The following RANBP3 variants were observed in gnomAD, a reference collection of about 807,000 sequenced individuals.
RANBP3 encodes ran-binding protein 3.
RANBP3 carries 14 observed loss-of-function variants against 77.3 expected under a neutral mutation model. The ratio of observed to expected loss-of-function variants is 0.18; its 90% confidence interval spans 0.12 to 0.28. RANBP3 has a LOEUF of 0.28. Among genes scored for constraint, RANBP3 ranks in the 10% least tolerant of loss-of-function variants. The pLI is 1.00. For missense variants in RANBP3, 586 were observed against 752.3 expected, an observed-to-expected ratio of 0.78 and a Z score of 2.59; for synonymous variants, 315 against 312.4, an observed-to-expected ratio of 1.01 and a Z score of -0.09.
At chr19:5,961,451 G>A (rs549110021) in intron 1 of RANBP3, among the ~76,000 whole-genome samples, 32 of 151,304 alleles carry the variant, frequency 2.1e-4, no homozygotes, top group African/African-American at 6.6e-4. Context: ...CTGCAGTGTC[G>A]GCCGGGCACA....
At chr19:5,955,649 C>T (rs2145202118) in intron 2 of RANBP3, among the ~76,000 whole-genome samples, 1 of 152,302 alleles carries the variant, frequency 6.6e-6, no homozygotes, top group South Asian at 2.1e-4. Context: ...TTAAAGTCTT[C>T]AGATTTAAAG....
At chr19:5,975,527 C>A (rs2058580003) in intron 1 of RANBP3, among the ~76,000 whole-genome samples, 1 of 151,624 alleles carries the variant, frequency 6.6e-6, no homozygotes. Flanking sequence ...ATTCATTCAA[C>A]CAATATTTCC....
chr19:5,947,473 C>G (rs890927888), intron 3 of RANBP3, among the ~76,000 whole-genome samples: 3 of 152,196 alleles, frequency 2.0e-5, no homozygotes, highest in Non-Finnish European at 4.4e-5. Context: ...AAACTAGACT[C>G]TACTGCTGCG....
In RANBP3 at chr19:5,921,753, C is replaced by T. The variant is rs765060697; in HGVS notation, c.1210-432G>A. ...ACCCAAGAGAAATGGAACATTTGTTCGTGTTCACACACAGATCGCACATGA... is the reference window on the plus strand; with the variant it reads ...ACCCAAGAGAAATGGAACATTTGTTTGTGTTCACACACAGATCGCACATGA... On this transcript the variant is annotated intron_variant, in intron 13 of 16. Coordinates refer to ENST00000340578, the MANE Select transcript of RANBP3 (RefSeq NM_007322.3). The surrounding 1 kb of genome is among the most constrained non-coding windows in gnomAD (Gnocchi z 5.3). 6.6e-6 allele frequency among the ~76,000 whole-genome samples: 1 copy of T among 152,244 alleles called. No homozygotes were observed. The highest frequency in any genetic ancestry group is 1.5e-5 in the Non-Finnish European group (1 of 68,048).
chr19:5,973,264 T>C (rs1489077509), intron 1 of RANBP3, among the ~76,000 whole-genome samples: 1 of 152,194 alleles, frequency 6.6e-6, no homozygotes, highest in African/African-American at 2.4e-5. Context: ...GGCTAGGTTT[T>C]AAGTCAACAA....
rs1369346150 is a variant in RANBP3, at chr19:5,925,003, C to T, written c.918-98G>A. On this transcript the variant is annotated intron_variant, in intron 10 of 16. Transcript: ENST00000340578. Reference sequence around the variant, plus strand: ...GGAGCACACACTGACACAGAGGGCACAGTGGAGGGGCCTCCGCCACTGTGC... The same window carrying T: ...GGAGCACACACTGACACAGAGGGCATAGTGGAGGGGCCTCCGCCACTGTGC... The T allele has an allele frequency of 3.6e-6, 4 of 1,118,942 alleles. No homozygotes were observed. The South Asian group carries it at 3.7e-5, about 10-fold the overall frequency. 69.3% of individuals were successfully genotyped at this position (1,118,942 alleles called of 1,614,324 possible). A position where few individuals can be genotyped will look rare whatever the true frequency, so the allele number is the denominator to read the frequency against.
At chr19:5,936,070 T>G (rs913419103) in intron 5 of RANBP3, among the ~76,000 whole-genome samples, 2 of 152,216 alleles carry the variant, frequency 1.3e-5, no homozygotes, top group African/African-American at 4.8e-5. Flanking sequence ...CCAAGTGATG[T>G]CTGTGGGAAG....
At chr19:5,925,844 T>G in intron 9 of RANBP3, 107 bp from the exon 10 acceptor site, 1 of 849,246 alleles carries the variant, frequency 1.2e-6, no homozygotes, top group Non-Finnish European at 1.9e-6. Flanking sequence ...CTCGGAGCCA[T>G]GAACCCTCTC....
intron 5 of RANBP3, among the ~76,000 whole-genome samples, chr19:5,937,747 G>A (rs1324661693): frequency 7.0e-6 from 1 of 143,440 alleles, no homozygotes; most frequent in African/African-American, 2.6e-5. Context: ...ATGCCGCGTC[G>A]GGGCCTGCGA....
intron 5 of RANBP3, among the ~76,000 whole-genome samples, chr19:5,937,659 G>A (rs2058083867): frequency 6.6e-6 from 1 of 152,238 alleles, no homozygotes; most frequent in African/African-American, 2.4e-5. Flanking sequence ...AGACAAGGAT[G>A]TGAAGTTGGG....
At chr19:5,953,416 T>C (rs2058298243) in intron 2 of RANBP3, among the ~76,000 whole-genome samples, 1 of 152,164 alleles carries the variant, frequency 6.6e-6, no homozygotes, top group Non-Finnish European at 1.5e-5. Flanking sequence ...GCTAAGCTCA[T>C]CACACCAACG....
intron 5 of RANBP3, among the ~76,000 whole-genome samples, chr19:5,938,408 G>A (rs1199107881): frequency 6.6e-6 from 1 of 152,164 alleles, no homozygotes; most frequent in Non-Finnish European, 1.5e-5. Context: ...TAAAGCTGGG[G>A]GCCAGACGTG....
At chr19:5,935,740 G>A (rs1404349372) in intron 5 of RANBP3, 1 of 456,770 alleles carries the variant, frequency 2.2e-6, no homozygotes, top group Non-Finnish European at 4.4e-6. Context: ...AGACAGACAA[G>A]GCGTGCTCCA....
intron 7 of RANBP3, among the ~76,000 whole-genome samples, 187 bp downstream of exon 7, chr19:5,932,264 GC>G (rs934659413): frequency 1.3e-5 from 2 of 152,190 alleles, no homozygotes; most frequent in Admixed American, 1.3e-4. Context: ...CTTCTCCGTT[GC>G]CAGGGCTCAG....
chr19:5,925,982 T>C (rs1202020547), intron 9 of RANBP3, among the ~76,000 whole-genome samples: 1 of 152,178 alleles, frequency 6.6e-6, no homozygotes, highest in Non-Finnish European at 1.5e-5. Context: ...CTTTTCCACC[T>C]TGTTACAAAA....
At position 5,925,806 on chromosome 19, in the gene RANBP3, T is replaced by C. The variant is rs547604459; in HGVS notation, c.814-69A>G. ...GCCTGGAGTTCCACAGCTCAGTGTCTGCAGACCCCCTGAGCTGCATGGAGC... is the reference window on the plus strand; with the variant it reads ...GCCTGGAGTTCCACAGCTCAGTGTCCGCAGACCCCCTGAGCTGCATGGAGC... On this transcript the variant is annotated intron_variant, in intron 9 of 16. Transcript: ENST00000340578. The C allele has an allele frequency of 1.0e-5, 13 of 1,302,536 alleles. No individual in the cohort carries two copies. The African/African-American group carries it at 1.9e-4, about 19-fold the overall frequency. 80.7% of individuals were successfully genotyped at this position (1,302,536 alleles called of 1,614,324 possible). A position where few individuals can be genotyped will look rare whatever the true frequency, so the allele number is the denominator to read the frequency against.
At chr19:5,935,050 G>A (rs896700017) in intron 5 of RANBP3, among the ~76,000 whole-genome samples, 5 of 152,106 alleles carry the variant, frequency 3.3e-5, no homozygotes, top group African/African-American at 7.2e-5. Flanking sequence ...AATTAATCAC[G>A]TGATGGTCGC....
intron 15 of RANBP3, 104 bp from the exon 16 acceptor site, chr19:5,918,084 C>A: frequency 7.7e-7 from 1 of 1,303,870 alleles, no homozygotes; most frequent in Non-Finnish European, 1.0e-6. Context: ...GTGACACTGC[C>A]ACAAGGCCTT....
At chr19:5,941,922 C>A in intron 3 of RANBP3, 87 bp from the exon 4 acceptor site, 1 of 1,481,352 alleles carries the variant, frequency 6.8e-7, no homozygotes, top group Non-Finnish European at 9.4e-7. Context: ...AATATCCCAA[C>A]ATGCACCACG....
Sources: allele counts gnomAD v4.1 joint callset (sites outside exome capture counted in the v4.1 genomes callset), GRCh38; gene constraint gnomAD v4.1.1; non-coding constraint Gnocchi (gnomAD v3.1); transcripts MANE v1.5; gene names NCBI Gene and HGNC (gene_info 2026-07-23, HGNC 2026-07-21).